Variants in GRK5 observed in about 807,000 individuals in gnomAD.
GRK5 encodes the protein g protein-coupled receptor kinase GRK5.
A neutral mutation model predicts 78.4 loss-of-function variants in GRK5; 40 were observed. The ratio of observed to expected loss-of-function variants is 0.51; its 90% CI spans 0.40 to 0.66. The LOEUF is 0.66. Among genes scored for constraint, GRK5 ranks in the 30% least tolerant of loss-of-function variants. GRK5 has a pLI of 0.00. For synonymous variants in GRK5, 289 were observed against 296.8 expected, an observed-to-expected ratio of 0.97 and a Z score of 0.27; for missense variants, 598 against 759.9, an observed-to-expected ratio of 0.79 and a Z score of 2.50.
At chr10:119,358,410 C>G (rs2133806352) in intron 2 of GRK5, among the ~76,000 whole-genome samples, 1 of 152,244 alleles carries the variant, frequency 6.6e-6, no homozygotes, top group South Asian at 2.1e-4. Context: ...GTGGTGGTGC[C>G]AGGATTGGAC....
At position 119,303,795 on chromosome 10, in the gene GRK5, C is replaced by T. The variant is rs561753366; in HGVS notation, c.53-22721C>T. On this transcript the variant is annotated intron_variant, in intron 1 of 15. Coordinates refer to ENST00000392870, the MANE Select transcript of GRK5 (RefSeq NM_005308.3). ...GGGAGGGGGACAGGTATGGATTTCA[C>T]TGCAGAGCCCAGACTTGGGGATGGA... 1.4e-4 allele frequency among the ~76,000 whole-genome samples: 22 copies of T among 151,730 alleles called. No homozygotes were observed. The East Asian group carries it at 3.7e-3, about 25-fold the overall frequency.
intron 4 of GRK5, among the ~76,000 whole-genome samples, chr10:119,420,820 A>G (rs1365174742): frequency 2.6e-5 from 4 of 152,152 alleles, no homozygotes; most frequent in African/African-American, 4.8e-5. Flanking sequence ...GCCTCAAGCA[A>G]TCCTCCTGCC....
At chr10:119,394,411 TGTGG>T in intron 3 of GRK5, among the ~76,000 whole-genome samples, 1 of 91,172 alleles carries the variant, frequency 1.1e-5, no homozygotes, top group Non-Finnish European at 2.3e-5. Context: ...TGGGCATGTG[TGTGG>T]GGGTGTGTGG....
chr10:119,446,278 G>A (rs1281896547), intron 12 of GRK5, among the ~76,000 whole-genome samples: 1 of 152,244 alleles, frequency 6.6e-6, no homozygotes, highest in Non-Finnish European at 1.5e-5. Context: ...CAGCATATAG[G>A]CGGGTGTTCA....
At position 119,371,281 on chromosome 10, in the gene GRK5, G is replaced by A. The variant is rs1023923991; in HGVS notation, c.149-9534G>A. Among the ~76,000 whole-genome samples, 78 of 152,286 alleles carry A rather than the reference G, an allele frequency of 5.1e-4. 1 individual carries two copies. Among genetic ancestry groups the A allele is most frequent in the Admixed American group, 4.4e-3 (67 of 15,292 alleles). ...CCGGTGGGAGGGCCTGGCTGTGCTC[G>A]GGCCCCGTGGCCATCCGAGGGAAGC... On this transcript the variant is annotated intron_variant, in intron 2 of 15. Transcript: ENST00000392870.
intron 4 of GRK5, among the ~76,000 whole-genome samples, chr10:119,413,909 C>T (rs1436909762): frequency 1.3e-5 from 2 of 152,222 alleles, no homozygotes; most frequent in African/African-American, 2.4e-5. Flanking sequence ...CCCGCCCAGG[C>T]CAGGCTTCCC....
intron 1 of GRK5, among the ~76,000 whole-genome samples, chr10:119,265,466 G>A (rs1467249825): frequency 6.6e-6 from 1 of 152,194 alleles, no homozygotes; most frequent in Non-Finnish European, 1.5e-5. Flanking sequence ...GGGCCTCCAT[G>A]ATGGGATTAG....
rs977503987 is a variant in GRK5, at chr10:119,267,498, C to T, written c.53-59018C>T. On this transcript the variant is annotated intron_variant, in intron 1 of 15. Transcript: ENST00000392870. The surrounding 1 kb of genome is among the most constrained non-coding windows in gnomAD (Gnocchi z 4.1). ...GGGCCTTGGGCAGCAGACTCCTCAC[C>T]GTGGCCAGGCAAGGGATTCCCACCC... Among the ~76,000 whole-genome samples the T allele has an allele frequency of 1.6e-4, 24 of 152,152 alleles. No homozygotes were observed. Among genetic ancestry groups the T allele is most frequent in the African/African-American group, 5.1e-4 (21 of 41,424 alleles).
At chr10:119,400,805 C>A (rs1404671563) in intron 4 of GRK5, among the ~76,000 whole-genome samples, 1 of 152,162 alleles carries the variant, frequency 6.6e-6, no homozygotes, top group African/African-American at 2.4e-5. Context: ...AGCCCCAGGT[C>A]CCCAAGCTGG....
intron 4 of GRK5, among the ~76,000 whole-genome samples, chr10:119,404,484 C>T (rs760124096): frequency 6.6e-6 from 1 of 152,218 alleles, no homozygotes; most frequent in Non-Finnish European, 1.5e-5. Context: ...TTCTTGATAG[C>T]GTCCTTTGAA....
intron 1 of GRK5, among the ~76,000 whole-genome samples, chr10:119,290,251 G>A (rs1849926627): frequency 6.6e-6 from 1 of 150,852 alleles, no homozygotes; most frequent in African/African-American, 2.4e-5. Context: ...AGAGGCTGAG[G>A]CAGGAGAATC....
intron 1 of GRK5, among the ~76,000 whole-genome samples, chr10:119,265,858 G>A (rs1199472458): frequency 6.6e-6 from 1 of 152,226 alleles, no homozygotes; most frequent in Non-Finnish European, 1.5e-5. Flanking sequence ...CTCAATGCCA[G>A]GAGACCTCTA....
rs1408810152 is a variant in GRK5 at position 119,267,534 on chromosome 10, AG to A, written c.53-58981del. ...AAGGGATTCCCACCCTGGGTTGGGCAGCCCTCTCCACAGGATGGCAAGGGGC... is the reference window on the plus strand; with the variant it reads ...AAGGGATTCCCACCCTGGGTTGGGCACCCTCTCCACAGGATGGCAAGGGGC... On this transcript the variant is annotated intron_variant, in intron 1 of 15. Transcript: ENST00000392870. This position sits in a 1 kb window ranked among gnomAD's most constrained non-coding sequence, Gnocchi z 4.1. Among the ~76,000 whole-genome samples the A allele has an allele frequency of 6.6e-6, 1 of 152,198 alleles. No homozygotes were observed. The highest frequency in any genetic ancestry group is 2.4e-5 in the African/African-American group (1 of 41,446).
At chr10:119,298,535 G>T (rs1029976192) in intron 1 of GRK5, among the ~76,000 whole-genome samples, 3 of 152,142 alleles carry the variant, frequency 2.0e-5, no homozygotes, top group Admixed American at 6.5e-5. Context: ...ATTTTCGATA[G>T]GTTTTATTGC....
chr10:119,311,801 A>T (rs1329600055), intron 1 of GRK5, among the ~76,000 whole-genome samples: 1 of 149,558 alleles, frequency 6.7e-6, no homozygotes, highest in Non-Finnish European at 1.5e-5. Flanking sequence ...AAAAAAAAAG[A>T]GTGAGTAGAG....
rs377683377 is a variant in GRK5, at chr10:119,430,476, C to T, written c.597+38C>T. 104 of 1,571,958 alleles carry T rather than the reference C, an allele frequency of 6.6e-5. No homozygotes were observed. Among genetic ancestry groups the T allele is most frequent in the Non-Finnish European group, 8.8e-5 (101 of 1,143,524 alleles). On this transcript the variant is annotated intron_variant, in intron 7 of 15. Transcript: ENST00000392870. The surrounding 1 kb of genome is among the most constrained non-coding windows in gnomAD (Gnocchi z 4.5). ...TCACGTTTTTAATTGAAAGTTCTTA[C>T]ATTCAAGTCACCTTTCCTGTCCCTT...
intron 2 of GRK5, among the ~76,000 whole-genome samples, chr10:119,375,056 T>C (rs1851601744): frequency 6.6e-6 from 1 of 152,224 alleles, no homozygotes; most frequent in Non-Finnish European, 1.5e-5. Context: ...CACTTAACAC[T>C]ACTTGCTGGT....
chr10:119,454,650 T>C (rs1287644328), intron 15 of GRK5, among the ~76,000 whole-genome samples: 2 of 152,194 alleles, frequency 1.3e-5, no homozygotes, highest in African/African-American at 4.8e-5. Flanking sequence ...TGGAATTGCA[T>C]GCCCAAGGCC....
At chr10:119,411,839 CTTCTTTTTT>C (rs138185437) in intron 4 of GRK5, among the ~76,000 whole-genome samples, 4 of 55,618 alleles carry the variant, frequency 7.2e-5, no homozygotes, top group Non-Finnish European at 1.5e-4. Context: ...TGCAGATCTG[CTTCTTTTTT>C]TTTTTTTTTT....
Sources: gnomAD v4.1 joint callset for allele counts (sites outside exome capture counted in the v4.1 genomes callset) on GRCh38, gnomAD v4.1.1 for gene constraint, Gnocchi (gnomAD v3.1) non-coding constraint, MANE v1.5 for transcripts, NCBI Gene and HGNC (gene_info 2026-07-23, HGNC 2026-07-21) for gene names.